CXXC5: variants seen among roughly 807,000 people sequenced by gnomAD.
CXXC5 encodes the protein CXXC-type zinc finger protein 5.
In CXXC5, 2 loss-of-function variants were observed where a neutral mutation model predicts 17.6. The ratio of observed to expected loss-of-function variants is 0.11; its 90% confidence interval spans 0.05 to 0.36. The LOEUF is 0.36. CXXC5 is among the 10% of genes least tolerant of loss of function. The pLI, the probability that CXXC5 is intolerant of heterozygous loss-of-function variation, is 1.00. For missense variants in CXXC5, 343 were observed against 458.3 expected, an observed-to-expected ratio of 0.75 and a Z score of 2.30; for synonymous variants, 171 against 193.0, an observed-to-expected ratio of 0.89 and a Z score of 0.94.
intron 1 of CXXC5, among the ~76,000 whole-genome samples, chr5:139,674,968 C>T (rs529527327): frequency 1.3e-5 from 2 of 152,340 alleles, no homozygotes; most frequent in African/African-American, 4.8e-5. Context: ...TTTGTCCCCT[C>T]TCATTGCTTC....
At chr5:139,666,543 G>A (rs1015706546) in intron 1 of CXXC5, among the ~76,000 whole-genome samples, 1 of 152,200 alleles carries the variant, frequency 6.6e-6, no homozygotes, top group Non-Finnish European at 1.5e-5. Flanking sequence ...GTCAGGGCTG[G>A]GGCAAGAATG....
At chr5:139,655,440 G>A (rs1474922979) in intron 1 of CXXC5, among the ~76,000 whole-genome samples, 1 of 10,566 alleles carries the variant, frequency 9.5e-5, no homozygotes, top group Admixed American at 1.0e-3. Flanking sequence ...GCCACCCCCC[G>A]CCGCCCCCCT....
At position 139,670,921 on chromosome 5, in the gene CXXC5, G is replaced by A. The variant is rs1002721093; in HGVS notation, c.-160-9443G>A. Among the ~76,000 whole-genome samples the A allele has an allele frequency of 6.6e-6, 1 of 152,172 alleles. No homozygotes were observed. The highest frequency in any genetic ancestry group is 6.5e-5 in the Admixed American group (1 of 15,282). ...CAGCACACCTCCCAGGTAGACACGC[G>A]AAAACACACTGTATGCATTGCTCTC... On this transcript the variant is annotated intron_variant, in intron 1 of 2. Transcript: ENST00000302517. This position sits in a 1 kb window ranked among gnomAD's most constrained non-coding sequence, Gnocchi z 4.2.
intron 1 of CXXC5, among the ~76,000 whole-genome samples, chr5:139,652,148 G>A (rs1420387681): frequency 3.6e-5 from 1 of 27,774 alleles, no homozygotes; most frequent in African/African-American, 8.9e-5. Context: ...CTAGCCGCCG[G>A]CGCGCGCGCG....
In CXXC5 at chr5:139,674,248, T is replaced by C. The variant is rs549545254; in HGVS notation, c.-160-6116T>C. 1.1e-3 allele frequency among the ~76,000 whole-genome samples: 166 copies of C among 152,176 alleles called. 1 individual carries two copies. In the South Asian group the frequency reaches 0.032, roughly 29 times the overall value. On this transcript the variant is annotated intron_variant, in intron 1 of 2. Transcript: ENST00000302517. ...AACTCCCCAGGCTGAATCATGGAAA[T>C]CAGAGACGGGACACCCTCCCTTCCA...
intron 1 of CXXC5, chr5:139,649,711 G>C (rs1472820615): frequency 6.6e-6 from 1 of 152,396 alleles, no homozygotes; most frequent in Non-Finnish European, 1.5e-5. Flanking sequence ...GCAGCGTGCA[G>C]AGCCTGGGAG....
chr5:139,681,610 C>T, intron 2 of CXXC5, 163 bp downstream of exon 2: 1 of 806,024 alleles, frequency 1.2e-6, no homozygotes, highest in Non-Finnish European at 1.9e-6. Context: ...CACCAGTTTA[C>T]TGCCCCAAAA....
intron 1 of CXXC5, among the ~76,000 whole-genome samples, chr5:139,657,269 C>T (rs1172832961): frequency 6.6e-6 from 1 of 152,224 alleles, no homozygotes; most frequent in African/African-American, 2.4e-5. Flanking sequence ...GGGATGGAGT[C>T]CTGGCAGAGC....
rs542762896 is a variant in CXXC5, at chr5:139,661,181, C to A, written c.-161+12336C>A. 6.6e-6 allele frequency among the ~76,000 whole-genome samples: 1 copy of A among 152,168 alleles called. No homozygotes were observed. Among genetic ancestry groups the A allele is most frequent in the Non-Finnish European group, 1.5e-5 (1 of 68,018 alleles). ...TCCCCGCCGCGGCTGCCCGCGCCGC[C>A]CCCCCACCTCTTGCGCTGTCGGCCA... is the stretch of plus-strand genomic sequence containing the variant. On this transcript the variant is annotated intron_variant, in intron 1 of 2. Transcript: ENST00000302517. This position sits in a 1 kb window ranked among gnomAD's most constrained non-coding sequence, Gnocchi z 4.7.
At chr5:139,679,690 C>G (rs924325019) in intron 1 of CXXC5, 1 of 152,114 alleles carries the variant, frequency 6.6e-6, no homozygotes, top group Non-Finnish European at 1.5e-5. Context: ...TTGACAGGAT[C>G]TCACTCTGTC....
In CXXC5 at chr5:139,658,615, C is replaced by T. The variant is rs1294023873; in HGVS notation, c.-161+9770C>T. On this transcript the variant is annotated intron_variant, in intron 1 of 2. Transcript: ENST00000302517. This position sits in a 1 kb window ranked among gnomAD's most constrained non-coding sequence, Gnocchi z 4.1. ...AGGGGTCCTCTTGGCGGTGCCCGCC[C>T]GCCCGCTGCCCACGCTTCCCGAGGC... Among the ~76,000 whole-genome samples the T allele has an allele frequency of 2.0e-5, 3 of 152,154 alleles. No homozygotes were observed. Among genetic ancestry groups the T allele is most frequent in the Admixed American group, 6.5e-5 (1 of 15,294 alleles).
At chr5:139,674,137 C>G (rs568652727) in intron 1 of CXXC5, among the ~76,000 whole-genome samples, 1 of 152,286 alleles carries the variant, frequency 6.6e-6, no homozygotes, top group Non-Finnish European at 1.5e-5. Flanking sequence ...GATGTGTGCC[C>G]TGTGCTCTCC....
chr5:139,682,401 A>C (rs563024204), intron 2 of CXXC5, among the ~76,000 whole-genome samples: 150 of 139,872 alleles, frequency 1.1e-3, no homozygotes, highest in African/African-American at 3.9e-3. Context: ...CACCCACTTT[A>C]GTCCAGTGTA....
At position 139,663,835 on chromosome 5, in the gene CXXC5, C is replaced by T. The variant is rs1442733814; in HGVS notation, c.-161+14990C>T. ...CCCTTCACATAGGTCCTCTCCAGGA[C>T]CTGACGAGGTGGGGGCTGTCAGCGG... On this transcript the variant is annotated intron_variant, in intron 1 of 2. Coordinates refer to ENST00000302517, the MANE Select transcript of CXXC5 (RefSeq NM_016463.9). The surrounding 1 kb of genome is among the most constrained non-coding windows in gnomAD (Gnocchi z 4.2). 6.6e-6 allele frequency among the ~76,000 whole-genome samples: 1 copy of T among 152,214 alleles called. No homozygotes were observed. The highest frequency in any genetic ancestry group is 2.4e-5 in the African/African-American group (1 of 41,442).
intron 1 of CXXC5, among the ~76,000 whole-genome samples, chr5:139,656,093 C>T (rs1755484238): frequency 6.6e-6 from 1 of 152,264 alleles, no homozygotes; most frequent in East Asian, 1.9e-4. Context: ...CAGACGTGCC[C>T]AGCCTGCCAG....
chr5:139,667,165 C>T (rs1369311881), intron 1 of CXXC5, among the ~76,000 whole-genome samples: 1 of 152,188 alleles, frequency 6.6e-6, no homozygotes. Flanking sequence ...AGGTCCAACC[C>T]CAGTCTTGGG....
At chr5:139,653,187 G>C (rs538182604) in intron 1 of CXXC5, among the ~76,000 whole-genome samples, 19 of 152,342 alleles carry the variant, frequency 1.2e-4, no homozygotes, top group Non-Finnish European at 2.4e-4. Flanking sequence ...CCTGCTGGGA[G>C]TTTTGGAAGC....
At chr5:139,676,019 C>CT in intron 1 of CXXC5, among the ~76,000 whole-genome samples, 1 of 151,430 alleles carries the variant, frequency 6.6e-6, no homozygotes, top group Non-Finnish European at 1.5e-5. Flanking sequence ...GAGTCTCCCT[C>CT]CTTCCAGCTC....
At chr5:139,679,951 C>T (rs773913044) in intron 1 of CXXC5, 1 of 154,842 alleles carries the variant, frequency 6.5e-6, no homozygotes, top group Non-Finnish European at 1.4e-5. Flanking sequence ...GTGTGAGCCA[C>T]TGCACCCAGC....
Sources: gnomAD v4.1 joint callset for allele counts (sites outside exome capture counted in the v4.1 genomes callset) on GRCh38, gnomAD v4.1.1 for gene constraint, Gnocchi (gnomAD v3.1) non-coding constraint, MANE v1.5 for transcripts, NCBI Gene and HGNC (gene_info 2026-07-23, HGNC 2026-07-21) for gene names.